ADAMTSL3: variants seen among roughly 807,000 people sequenced by gnomAD.
The protein encoded by ADAMTSL3 is ADAMTS-like protein 3.
A neutral mutation model predicts 201.7 loss-of-function variants in ADAMTSL3; 128 were observed. The ratio of observed to expected loss-of-function variants is 0.63; its 90% CI spans 0.55 to 0.73. ADAMTSL3 has a LOEUF of 0.73. ADAMTSL3 is among the 30% of genes least tolerant of loss of function. ADAMTSL3 has a pLI of 0.00. For missense variants in ADAMTSL3, 1,990 were observed against 2,119.6 expected, an observed-to-expected ratio of 0.94 and a Z score of 1.20; for synonymous variants, 738 against 748.4, an observed-to-expected ratio of 0.99 and a Z score of 0.23.
At position 83,988,723 on chromosome 15, in the gene ADAMTSL3, T is replaced by C; in HGVS notation, c.3749T>C (p.Ile1250Thr). 6.2e-7 allele frequency: 1 copy of C among 1,608,886 alleles called. No homozygotes were observed. The highest frequency in any genetic ancestry group is 8.5e-7 in the Non-Finnish European group (1 of 1,177,072). Reference sequence around the variant, plus strand: ...TTGGATGGAACTGGGAAGATACAGATACAGAATCCTACAAGGAAAGAACAA... The same window carrying C: ...TTGGATGGAACTGGGAAGATACAGACACAGAATCCTACAAGGAAAGAACAA... ...IILDGTGKIQIQNPTRKEQGI... is the reference protein window; with the variant it reads ...IILDGTGKIQTQNPTRKEQGI... Residue 1250 changes from isoleucine (I) to threonine (T), a missense_variant, in exon 22 of 30, where the codon ATA (isoleucine) becomes ACA (threonine). Physicochemically the swap from Ile to Thr is moderately conservative, Grantham distance 89. Coordinates refer to ENST00000286744, the MANE Select transcript of ADAMTSL3 (RefSeq NM_207517.3).
chr15:83,982,207 C>T, intron 20 of ADAMTSL3, 66 bp from the exon 21 acceptor site: 1 of 1,309,616 alleles, frequency 7.6e-7, no homozygotes, highest in Non-Finnish European at 1.0e-6. Flanking sequence ...AGATTACTGT[C>T]AAAAAGTCTG....
At chr15:83,885,619 G>C (rs1395752888) in intron 10 of ADAMTSL3, among the ~76,000 whole-genome samples, 3 of 152,064 alleles carry the variant, frequency 2.0e-5, no homozygotes, top group Non-Finnish European at 4.4e-5. Flanking sequence ...TGGTTCTAAC[G>C]TTAGATTTAC....
intron 5 of ADAMTSL3, among the ~76,000 whole-genome samples, chr15:83,819,281 A>AAC (rs1567165143): frequency 6.6e-6 from 1 of 150,458 alleles, no homozygotes. Flanking sequence ...AAAAAAAAAA[A>AAC]ACAATGACAA....
Position 83,801,663 on chromosome 15 carries a change from T to TATATATATATATATAA in ADAMTSL3, c.318-2972_318-2971insAATATATATATATATA, listed in dbSNP as rs2063522698. On this transcript the variant is annotated intron_variant, in intron 4 of 29. Coordinates refer to ENST00000286744, the MANE Select transcript of ADAMTSL3 (RefSeq NM_207517.3). ...ATATATAAATATAAATATATATATA[T>TATATATATATATATAA]ATATATATATATATATATATATATA... is the stretch of plus-strand genomic sequence containing the variant. Among the ~76,000 whole-genome samples, 2 of 43,552 alleles carry TATATATATATATATAA rather than the reference T, an allele frequency of 4.6e-5. 1 individual carries two copies. The highest frequency in any genetic ancestry group is 8.9e-5 in the Non-Finnish European group (2 of 22,570). The allele number at this position is 43,552 out of a possible 152,430, so 28.6% of individuals were successfully genotyped here.
At chr15:83,888,828 G>A (rs2065449544) in intron 10 of ADAMTSL3, among the ~76,000 whole-genome samples, 1 of 152,094 alleles carries the variant, frequency 6.6e-6, no homozygotes, top group African/African-American at 2.4e-5. Flanking sequence ...TCTGCACTCA[G>A]CTTACATCCA....
chr15:83,674,064 T>C (rs1271209262), intron 2 of ADAMTSL3, among the ~76,000 whole-genome samples: 1 of 150,796 alleles, frequency 6.6e-6, no homozygotes, highest in Non-Finnish European at 1.5e-5. Flanking sequence ...TTTTTTTTTT[T>C]TGGAGAGGAA....
intron 6 of ADAMTSL3, among the ~76,000 whole-genome samples, chr15:83,824,454 TA>T (rs1360538594): frequency 6.6e-6 from 1 of 152,152 alleles, no homozygotes; most frequent in Non-Finnish European, 1.5e-5. Flanking sequence ...ATACAGTTAT[TA>T]CAGTCGATGA....
In ADAMTSL3 at chr15:83,834,583, A is replaced by G. The variant is rs183622861; in HGVS notation, c.601-3506A>G. Among the ~76,000 whole-genome samples, 562 of 152,338 alleles carry G rather than the reference A, an allele frequency of 3.7e-3. 2 individuals carry two copies. The highest frequency in any genetic ancestry group is 0.013 in the African/African-American group (531 of 41,572). On this transcript the variant is annotated intron_variant, in intron 6 of 29. Coordinates refer to ENST00000286744, the MANE Select transcript of ADAMTSL3 (RefSeq NM_207517.3). ...TAGTGCCACTTATTTAAGTATTATC[A>G]TCTTTTAGCTGATTAGGAAATCATA...
chr15:83,663,852 A>G (rs1264842603), intron 2 of ADAMTSL3, among the ~76,000 whole-genome samples: 3 of 152,242 alleles, frequency 2.0e-5, no homozygotes, highest in Non-Finnish European at 4.4e-5. Context: ...TGGGAGAATG[A>G]ATGGGAGCTC....
At chr15:83,696,026 A>G (rs1449545177) in intron 2 of ADAMTSL3, among the ~76,000 whole-genome samples, 1 of 152,112 alleles carries the variant, frequency 6.6e-6, no homozygotes, top group African/African-American at 2.4e-5. Context: ...CCCATGTGCC[A>G]TCCAGGCCAG....
intron 19 of ADAMTSL3, among the ~76,000 whole-genome samples, chr15:83,946,482 G>T (rs2142047520): frequency 6.6e-6 from 1 of 152,268 alleles, no homozygotes; most frequent in Middle Eastern, 3.4e-3. Context: ...TTTTGCAATG[G>T]TAGCTATTTC....
Position 84,039,756 on chromosome 15 carries a change from T to C in ADAMTSL3, c.*1950T>C, listed in dbSNP as rs1186339096. 6.5e-6 allele frequency: 1 copy of C among 152,678 alleles called. No homozygotes were observed. The highest frequency in any genetic ancestry group is 1.9e-4 in the East Asian group (1 of 5,204). The allele number at this position is 152,678 out of a possible 1,614,324, so 9.5% of individuals were successfully genotyped here. On this transcript the variant is annotated 3_prime_UTR_variant, in exon 30 of 30. Coordinates refer to ENST00000286744, the MANE Select transcript of ADAMTSL3 (RefSeq NM_207517.3). Reference sequence around the variant, plus strand: ...GTACTGTATTTTACTACTGTTTTTATAACATGAGAGTTAATGTTTCTGTTT... The same window carrying C: ...GTACTGTATTTTACTACTGTTTTTACAACATGAGAGTTAATGTTTCTGTTT...
chr15:83,899,786 T>C (rs2065688451), intron 15 of ADAMTSL3, 55 bp downstream of exon 15: 5 of 1,573,974 alleles, frequency 3.2e-6, no homozygotes, highest in East Asian at 4.8e-5. Flanking sequence ...TAACATGATA[T>C]ATGTAATTTT....
intron 1 of ADAMTSL3, among the ~76,000 whole-genome samples, chr15:83,655,190 C>T (rs1013521890): frequency 2.0e-5 from 3 of 152,158 alleles, no homozygotes; most frequent in African/African-American, 7.2e-5. Context: ...AGCTCTCAGG[C>T]GTCTCTCTGG....
chr15:83,757,414 C>T (rs1436961838), intron 3 of ADAMTSL3, among the ~76,000 whole-genome samples: 1 of 138,430 alleles, frequency 7.2e-6, no homozygotes, highest in African/African-American at 2.6e-5. Flanking sequence ...TGTACCTTGG[C>T]CCCTTTTAGC....
intron 4 of ADAMTSL3, among the ~76,000 whole-genome samples, chr15:83,801,637 A>AATATAT (rs1212487067): frequency 0.33 from 16,745 of 50,686 alleles, 3,181 homozygotes; most frequent in South Asian, 0.56. Flanking sequence ...TATATATATA[A>AATATAT]ATATATAAAT....
chr15:83,918,009 A>G (rs1567235516), intron 16 of ADAMTSL3, among the ~76,000 whole-genome samples: 1 of 152,188 alleles, frequency 6.6e-6, no homozygotes, highest in Non-Finnish European at 1.5e-5. Context: ...CTTTTTAAAA[A>G]TCTGACTAAA....
intron 10 of ADAMTSL3, among the ~76,000 whole-genome samples, chr15:83,886,030 A>T (rs910061643): frequency 6.6e-6 from 1 of 152,108 alleles, no homozygotes; most frequent in African/African-American, 2.4e-5. Context: ...AGCCTTTTTC[A>T]AGGTTTTCAT....
intron 4 of ADAMTSL3, 28 bp from the exon 5 acceptor site, chr15:83,804,622 C>G (rs377318855): frequency 4.2e-6 from 4 of 960,904 alleles, no homozygotes; most frequent in African/African-American, 2.2e-5. Context: ...ATCATTATTT[C>G]TTCTTTCTTC....
Sources: gnomAD v4.1 joint callset for allele counts (sites outside exome capture counted in the v4.1 genomes callset) on GRCh38, gnomAD v4.1.1 for gene constraint, MANE v1.5 for transcripts, NCBI Gene and HGNC (gene_info 2026-07-23, HGNC 2026-07-21) for gene names.